Variants in SLC7A6OS observed in about 807,000 individuals in gnomAD.
SLC7A6OS encodes the protein probable RNA polymerase II nuclear localization protein SLC7A6OS.
In SLC7A6OS, 22 loss-of-function variants were observed where a neutral mutation model predicts 34.3. That is an observed-to-expected ratio of 0.64 (90% CI 0.46 to 0.92). The LOEUF (loss-of-function observed/expected upper bound fraction) is 0.92. Ranked by LOEUF, SLC7A6OS falls within the 40% of genes least tolerant of loss-of-function variation. The pLI, the probability that SLC7A6OS is intolerant of heterozygous loss-of-function variation, is 0.00. For synonymous variants in SLC7A6OS, 199 were observed against 165.0 expected (o/e 1.21, Z -1.58); for missense variants, 434 against 407.7 (o/e 1.06, Z -0.56).
intron 2 of SLC7A6OS, among the ~76,000 whole-genome samples, chr16:68,307,884 TATAA>T (rs927399939): frequency 6.6e-6 from 1 of 152,250 alleles, no homozygotes; most frequent in African/African-American, 2.4e-5. Context: ...TAGTTTTCTT[TATAA>T]AATTAAATTA....
In SLC7A6OS at chr16:68,304,133, G is replaced by A; in HGVS notation, c.571C>T (p.Gln191Ter). Residue 191 changes from glutamine (Q) to a stop codon, truncating the protein, a stop_gained, in exon 3 of 5, where the codon CAA becomes TAA. Coordinates refer to ENST00000263997, the MANE Select transcript of SLC7A6OS (RefSeq NM_032178.3). LOFTEE classifies it high-confidence loss of function. ...DGPGVRRQEE[Q>*]KHDDYVYDIY... ...TCATACACATAGTCATCGTGTTTTT[G>A]TTCTTCCTGGCGCCTGACTCCTGGT... The A allele has an allele frequency of 3.7e-6, 6 of 1,614,122 alleles. No homozygotes were observed. The highest frequency in any genetic ancestry group is 4.2e-6 in the Non-Finnish European group (5 of 1,180,018).
In SLC7A6OS at chr16:68,298,620, T is replaced by C. The variant is rs1258674165; in HGVS notation, c.*2655A>G. On this transcript the variant is annotated 3_prime_UTR_variant, in exon 5 of 5. Transcript: ENST00000263997. ...AGAGCTTGGTACTTGTGGGGACTTC[T>C]GTTTTCTCCCTGTGGAGATCAGTGA... is the stretch of plus-strand genomic sequence containing the variant. 6.6e-6 allele frequency: 1 copy of C among 152,298 alleles called. No individual in the cohort carries two copies. The highest frequency in any genetic ancestry group is 1.5e-5 in the Non-Finnish European group (1 of 68,084). 9.4% of individuals were successfully genotyped at this position (152,298 alleles called of 1,614,324 possible).
intron 3 of SLC7A6OS, 170 bp downstream of exon 3, chr16:68,303,856 G>A (rs2043306479): frequency 1.6e-6 from 1 of 612,294 alleles, no homozygotes; most frequent in Non-Finnish European, 2.9e-6. Flanking sequence ...CAAATTCCCT[G>A]TACTATAAAG....
At position 68,301,151 on chromosome 16, in the gene SLC7A6OS, C is replaced by T. The variant is rs748081342; in HGVS notation, c.*124G>A. The T allele has an allele frequency of 1.5e-4, 217 of 1,469,820 alleles. No individual in the cohort carries two copies. The highest frequency in any genetic ancestry group is 5.1e-4 in the Middle Eastern group (2 of 3,936). The allele number at this position is 1,469,820 out of a possible 1,614,324, so 91.0% of individuals were successfully genotyped here. On this transcript the variant is annotated 3_prime_UTR_variant, in exon 5 of 5. Coordinates refer to ENST00000263997, the MANE Select transcript of SLC7A6OS (RefSeq NM_032178.3). ...TGGTGGGATGGTGCCGCCCGATATG[C>T]TTGATATGCTTTTCCTTCCACATGT...
chr16:68,308,232 G>A (rs1044779520), intron 2 of SLC7A6OS, among the ~76,000 whole-genome samples: 3 of 151,898 alleles, frequency 2.0e-5, no homozygotes, highest in Admixed American at 6.6e-5. Context: ...TCAATTCCAC[G>A]GAGCATTGGT....
At chr16:68,307,632 T>C (rs1436166225) in intron 2 of SLC7A6OS, among the ~76,000 whole-genome samples, 2 of 152,218 alleles carry the variant, frequency 1.3e-5, no homozygotes, top group African/African-American at 4.8e-5. Flanking sequence ...CCATCCTGTT[T>C]TCCAAAAGGC....
Position 68,310,388 on chromosome 16 carries a change from C to G in SLC7A6OS, c.418G>C (p.Asp140His), listed in dbSNP as rs201365695. ...GGTTCTCCCTCCTCGTGGACAAGGT[C>G]TAACAACTGAAAGCCCGAGTTCCCG... is the stretch of plus-strand genomic sequence containing the variant. ...AAGNSGFQLL[D>H]LVHEEGEPEA... Residue 140 changes from aspartate (D) to histidine (H), a missense_variant, in exon 2 of 5, where the codon GAC becomes CAC. Asp to His is a moderately conservative substitution (Grantham distance 81). Transcript: ENST00000263997. 26 of 1,612,580 alleles carry G rather than the reference C, an allele frequency of 1.6e-5. No homozygotes were observed. The highest frequency in any genetic ancestry group is 2.1e-5 in the Non-Finnish European group (25 of 1,179,536).
In SLC7A6OS at chr16:68,298,255, C is replaced by G. The variant is rs575844724; in HGVS notation, c.*3020G>C. On this transcript the variant is annotated 3_prime_UTR_variant, in exon 5 of 5. Coordinates refer to ENST00000263997, the MANE Select transcript of SLC7A6OS (RefSeq NM_032178.3). ...ACAGTAAATCTCTGGGTTTCTGTTACGAACTCTAAGAGGGCTGAAACTTCT... is the reference window on the plus strand; with the variant it reads ...ACAGTAAATCTCTGGGTTTCTGTTAGGAACTCTAAGAGGGCTGAAACTTCT... 6 of 152,582 alleles carry G rather than the reference C, an allele frequency of 3.9e-5. No individual in the cohort carries two copies. The highest frequency in any genetic ancestry group is 8.8e-5 in the Non-Finnish European group (6 of 68,018). The allele number at this position is 152,582 out of a possible 1,614,324, so 9.5% of individuals were successfully genotyped here. A position where few individuals can be genotyped will look rare whatever the true frequency, so the allele number is the denominator to read the frequency against.
At position 68,301,272 on chromosome 16, in the gene SLC7A6OS, C is replaced by A; in HGVS notation, c.*3G>T. 1 of 1,613,908 alleles carries A rather than the reference C, an allele frequency of 6.2e-7. No homozygotes were observed. The highest frequency in any genetic ancestry group is 8.5e-7 in the Non-Finnish European group (1 of 1,179,838). On this transcript the variant is annotated 3_prime_UTR_variant, in exon 5 of 5. Coordinates refer to ENST00000263997, the MANE Select transcript of SLC7A6OS (RefSeq NM_032178.3). ...GCAGAACCTCATGGACATCACAAGA[C>A]CATCAGTCTGAATCCAGGTCGTGGG...
chr16:68,303,155 T>G (rs1040507858), intron 3 of SLC7A6OS, among the ~76,000 whole-genome samples: 1 of 151,694 alleles, frequency 6.6e-6, no homozygotes. Flanking sequence ...TCCCAGCTAC[T>G]TGGGAGGCTG....
chr16:68,302,199 C>T (rs1432974216), intron 4 of SLC7A6OS, 182 bp downstream of exon 4: 5 of 645,452 alleles, frequency 7.7e-6, no homozygotes, highest in African/African-American at 7.3e-5. Context: ...TGGATTATTA[C>T]ACCCCCAGGA....
chr16:68,301,549 CTT>C, intron 4 of SLC7A6OS, 144 bp from the exon 5 acceptor site: 1 of 575,578 alleles, frequency 1.7e-6, no homozygotes, highest in Non-Finnish European at 2.7e-6. Context: ...ATATAGAATT[CTT>C]TTTTTTTTAA....
intron 2 of SLC7A6OS, among the ~76,000 whole-genome samples, chr16:68,308,253 C>T (rs1208287048): frequency 1.3e-5 from 2 of 152,166 alleles, no homozygotes; most frequent in Admixed American, 6.5e-5. Flanking sequence ...TTACTTTACA[C>T]ATTTTGTAAG....
At position 68,301,373 on chromosome 16, in the gene SLC7A6OS, C is replaced by T; in HGVS notation, c.832G>A (p.Glu278Lys). Residue 278 changes from glutamate to lysine, a missense_variant, in exon 5 of 5, where the codon GAA becomes AAA. Transcript: ENST00000263997. ...ATCCGCTGTCTGCTGCTGCCTCTTT[C>T]CTCCTCACTCAGGCTGTTGTAGTCA... ...SADYNSLSEE[E>K]RGSSRQRMWS... The T allele has an allele frequency of 1.2e-6, 2 of 1,614,148 alleles. No homozygotes were observed. The highest frequency in any genetic ancestry group is 1.7e-6 in the Non-Finnish European group (2 of 1,180,002).
intron 2 of SLC7A6OS, among the ~76,000 whole-genome samples, chr16:68,308,641 A>C (rs1355425437): frequency 6.6e-6 from 1 of 152,174 alleles, no homozygotes; most frequent in African/African-American, 2.4e-5. Context: ...CAAAACAAAA[A>C]CAACAATAAA....
chr16:68,309,956 C>G (rs1484976814), intron 2 of SLC7A6OS, among the ~76,000 whole-genome samples: 1 of 152,136 alleles, frequency 6.6e-6, no homozygotes, highest in Non-Finnish European at 1.5e-5. Flanking sequence ...AATACCCTGC[C>G]ATTCACCTTC....
intron 2 of SLC7A6OS, among the ~76,000 whole-genome samples, chr16:68,308,981 G>T (rs1412978529): frequency 6.6e-6 from 1 of 150,850 alleles, no homozygotes; most frequent in Non-Finnish European, 1.5e-5. Flanking sequence ...GAACCCGGGA[G>T]TTGGAGGTTG....
chr16:68,304,077 G>A lies in SLC7A6OS; in HGVS notation c.627C>T (p.Gly209=), dbSNP rs1567602730. Residue 209 remains glycine, a synonymous_variant, in exon 3 of 5, where the codon GGC becomes GGT. Transcript: ENST00000263997. ...GCACGGAGAGGATGTTCTCAATCCA[G>A]CCTGGAGTGGCCGTCTCCAAGTAGT... The part of the protein sequence containing the change: ...DIYYLETATP[G]WIENILSVQP... The A allele has an allele frequency of 6.2e-7, 1 of 1,614,078 alleles. No homozygotes were observed. Among genetic ancestry groups the A allele is most frequent in the East Asian group, 2.2e-5 (1 of 44,880 alleles).
At chr16:68,304,474 C>T (rs2043312113) in intron 2 of SLC7A6OS, among the ~76,000 whole-genome samples, 2 of 152,152 alleles carry the variant, frequency 1.3e-5, no homozygotes, top group African/African-American at 4.8e-5. Flanking sequence ...GTGCGTGCCA[C>T]CATGCCTGGC....
Sources: gnomAD v4.1 joint callset for allele counts (sites outside exome capture counted in the v4.1 genomes callset) on GRCh38, gnomAD v4.1.1 for gene constraint, MANE v1.5 for transcripts, NCBI Gene and HGNC (gene_info 2026-07-23, HGNC 2026-07-21) for gene names.